Variants in ATP9A observed in about 807,000 individuals in gnomAD.
ATP9A encodes probable phospholipid-transporting ATPase IIA.
ATP9A carries 52 observed loss-of-function variants against 144.1 expected under a neutral mutation model. The ratio of observed to expected loss-of-function variants is 0.36; its 90% CI spans 0.29 to 0.45. The LOEUF (loss-of-function observed/expected upper bound fraction) is 0.45. ATP9A is among the 20% of genes least tolerant of loss of function. The pLI is 1.00. For synonymous variants in ATP9A, 582 were observed against 557.4 expected (o/e 1.04, Z -0.62); for missense variants, 947 against 1,392.7 (o/e 0.68, Z 5.09).
At chr20:51,766,418 T>C (rs2077903918) in intron 1 of ATP9A, among the ~76,000 whole-genome samples, 1 of 152,186 alleles carries the variant, frequency 6.6e-6, no homozygotes, top group African/African-American at 2.4e-5. Flanking sequence ...TCATAATTGC[T>C]CATGGCACAA....
rs917058222 is a variant in ATP9A at position 51,597,599 on chromosome 20, G to A, written c.*3612C>T. 1 of 152,124 alleles carries A rather than the reference G, an allele frequency of 6.6e-6. No homozygotes were observed. Among genetic ancestry groups the A allele is most frequent in the African/African-American group, 2.4e-5 (1 of 41,416 alleles). 9.4% of individuals were successfully genotyped at this position (152,124 alleles called of 1,614,324 possible). On this transcript the variant is annotated 3_prime_UTR_variant, in exon 28 of 28. Transcript: ENST00000338821. Reference sequence around the variant, plus strand: ...GGTTAAAGATAAAAATAGCTGATAGGTGTTTAAGTAGGATGGAGCAGAAGA... The same window carrying A: ...GGTTAAAGATAAAAATAGCTGATAGATGTTTAAGTAGGATGGAGCAGAAGA...
At chr20:51,635,802 G>GAGGGAGGAAGGGAGGAAGGA (rs774111834) in intron 15 of ATP9A, among the ~76,000 whole-genome samples, 20 of 46,694 alleles carry the variant, frequency 4.3e-4, no homozygotes, top group South Asian at 8.9e-4. Flanking sequence ...AGGAGGGGAG[G>GAGGGAGGAAGGGAGGAAGGA]AGGAAGGAAG....
chr20:51,651,667 G>A (rs1054734278), intron 14 of ATP9A, among the ~76,000 whole-genome samples: 3 of 151,986 alleles, frequency 2.0e-5, no homozygotes, highest in African/African-American at 4.8e-5. Context: ...GGTGGCTCAC[G>A]CTTGTAATCC....
intron 22 of ATP9A, 39 bp from the exon 23 acceptor site, chr20:51,613,871 G>A (rs549235811): frequency 6.3e-7 from 1 of 1,582,708 alleles, no homozygotes; most frequent in South Asian, 1.1e-5. Context: ...AGAAGCACAA[G>A]AGGTCAGGGC....
intron 7 of ATP9A, among the ~76,000 whole-genome samples, chr20:51,691,107 AC>A (rs1230641732): frequency 1.3e-5 from 2 of 151,992 alleles, no homozygotes; most frequent in Non-Finnish European, 2.9e-5. Flanking sequence ...ACCTATGAAT[AC>A]CCTGGAAAGT....
At chr20:51,602,281 G>A (rs1256232326) in intron 27 of ATP9A, among the ~76,000 whole-genome samples, 1 of 152,180 alleles carries the variant, frequency 6.6e-6, no homozygotes, top group Non-Finnish European at 1.5e-5. Flanking sequence ...GCCAGAATAA[G>A]CCCCTTCTCC....
intron 27 of ATP9A, among the ~76,000 whole-genome samples, chr20:51,601,749 T>C (rs1468317458): frequency 6.6e-6 from 1 of 151,108 alleles, no homozygotes; most frequent in Non-Finnish European, 1.5e-5. Flanking sequence ...CTACAAAAAA[T>C]ACAAAAACTA....
intron 1 of ATP9A, among the ~76,000 whole-genome samples, chr20:51,743,732 G>C (rs868540001): frequency 0.042 from 18 of 428 alleles, no homozygotes; most frequent in South Asian, 0.33. Context: ...AAATTAGGCC[G>C]GGCACGGTCG....
intron 1 of ATP9A, among the ~76,000 whole-genome samples, chr20:51,730,555 G>C (rs775029671): frequency 3.3e-4 from 50 of 152,306 alleles, no homozygotes; most frequent in Non-Finnish European, 6.0e-4. Flanking sequence ...ACAAGGATAC[G>C]CTCTAAGAAA....
intron 7 of ATP9A, among the ~76,000 whole-genome samples, chr20:51,692,307 G>A (rs2077551861): frequency 6.6e-6 from 1 of 152,212 alleles, no homozygotes; most frequent in Non-Finnish European, 1.5e-5. Context: ...TCAACCTTAG[G>A]TGATAAGAAA....
At chr20:51,697,026 T>A (rs1164329433) in intron 5 of ATP9A, among the ~76,000 whole-genome samples, 1 of 152,078 alleles carries the variant, frequency 6.6e-6, no homozygotes, top group Non-Finnish European at 1.5e-5. Flanking sequence ...AGCACAATGG[T>A]TAGGTCAGGA....
chr20:51,652,438 C>T (rs1310904955), intron 14 of ATP9A, among the ~76,000 whole-genome samples: 7 of 152,226 alleles, frequency 4.6e-5, no homozygotes, highest in Admixed American at 4.6e-4. Flanking sequence ...GGTTTCTACA[C>T]ATGTTCCATA....
At chr20:51,647,126 T>C (rs1315874588) in intron 14 of ATP9A, among the ~76,000 whole-genome samples, 1 of 151,178 alleles carries the variant, frequency 6.6e-6, no homozygotes, top group Non-Finnish European at 1.5e-5. Flanking sequence ...CTCAAATAAA[T>C]AAATAATAGT....
intron 4 of ATP9A, among the ~76,000 whole-genome samples, chr20:51,700,866 G>A (rs541339174): frequency 6.6e-6 from 1 of 152,080 alleles, no homozygotes; most frequent in African/African-American, 2.4e-5. Context: ...GAAAGAAAGA[G>A]AGAAATGGGT....
intron 1 of ATP9A, among the ~76,000 whole-genome samples, chr20:51,737,036 A>G (rs1256081888): frequency 6.6e-6 from 1 of 152,212 alleles, no homozygotes; most frequent in African/African-American, 2.4e-5. Context: ...TACAGTGGAT[A>G]AAGTGAGCCC....
chr20:51,685,710 G>A (rs957011885), intron 9 of ATP9A, among the ~76,000 whole-genome samples: 2 of 152,154 alleles, frequency 1.3e-5, no homozygotes, highest in Admixed American at 6.5e-5. Context: ...AAAAACTCAG[G>A]AAACAGCAGG....
At chr20:51,697,857 C>T (rs2077577340) in intron 4 of ATP9A, among the ~76,000 whole-genome samples, 1 of 152,110 alleles carries the variant, frequency 6.6e-6, no homozygotes, top group Non-Finnish European at 1.5e-5. Flanking sequence ...ATTTTCAACA[C>T]CACCAAAAAG....
At chr20:51,609,645 T>TG (rs1601053756) in intron 24 of ATP9A, among the ~76,000 whole-genome samples, 1 of 152,178 alleles carries the variant, frequency 6.6e-6, no homozygotes, top group Non-Finnish European at 1.5e-5. Context: ...CTCTGTTACT[T>TG]GCACATCCCC....
At position 51,617,400 on chromosome 20, in the gene ATP9A, A is replaced by T. The variant is rs1699773915; in HGVS notation, c.2415+90T>A. 1.4e-5 allele frequency: 19 copies of T among 1,326,734 alleles called. No individual in the cohort carries two copies. The South Asian group carries it at 2.4e-4, about 17-fold the overall frequency. The allele number at this position is 1,326,734 out of a possible 1,614,324, so 82.2% of individuals were successfully genotyped here. On this transcript the variant is annotated intron_variant, in intron 22 of 27. Transcript: ENST00000338821. ...TTATGTTTTATCATTCTTTATCTGG[A>T]ATTTCCAGAAGGCTTAAAGCTGTGT...
Sources: gnomAD v4.1 joint callset for allele counts (sites outside exome capture counted in the v4.1 genomes callset) on GRCh38, gnomAD v4.1.1 for gene constraint, MANE v1.5 for transcripts, NCBI Gene and HGNC (gene_info 2026-07-23, HGNC 2026-07-21) for gene names.